TMEM235: variants seen among roughly 807,000 people sequenced by gnomAD.
The protein encoded by TMEM235 is claudin-27.
Under a neutral mutation model 22.9 loss-of-function variants are expected in TMEM235, and 23 were observed. The observed-to-expected ratio is 1.00, with a 90% CI of 0.72 to 1.42. The LOEUF (loss-of-function observed/expected upper bound fraction) is 1.42. Among genes scored for constraint, TMEM235 ranks in the 40% most tolerant of loss-of-function variants. TMEM235 has a pLI of 0.00. For missense variants in TMEM235, 308 were observed against 299.5 expected, an observed-to-expected ratio of 1.03 and a Z score of -0.21; for synonymous variants, 137 against 140.5, an observed-to-expected ratio of 0.98 and a Z score of 0.17.
At chr17:78,232,749 G>C (rs938007734) in intron 2 of TMEM235, among the ~76,000 whole-genome samples, 4 of 152,084 alleles carry the variant, frequency 2.6e-5, no homozygotes, top group Non-Finnish European at 4.4e-5. Flanking sequence ...TCCCTCCTCC[G>C]GAGCTGGGGC....
In TMEM235 at chr17:78,234,594, G is replaced by A. The variant is rs1447715421; in HGVS notation, c.273G>A (p.Leu91=). 7 of 1,536,114 alleles carry A rather than the reference G, an allele frequency of 4.6e-6. No individual in the cohort carries two copies. The East Asian group carries it at 1.5e-4, about 32-fold the overall frequency. Residue 91 remains leucine, a splice_region_variant and synonymous_variant, in exon 4 of 6, where the codon TTG becomes TTA. Coordinates refer to ENST00000421688, the Ensembl canonical transcript of TMEM235. ...TCACCTGAGCCCCCTTTCCTGCAGT[G>A]CTGCACCGTGCAGTCATTGTGGTCC...
intron 2 of TMEM235, 131 bp downstream of exon 1, chr17:78,232,344 C>T: frequency 1.1e-6 from 1 of 874,014 alleles, no homozygotes; most frequent in Non-Finnish European, 1.6e-6. Flanking sequence ...CGCTCTGCCC[C>T]AGGGTGTCTC....
chr17:78,234,799 G>A, intron 4 of TMEM235, 69 bp downstream of exon 3: 1 of 1,519,426 alleles, frequency 6.6e-7, no homozygotes, highest in South Asian at 1.2e-5. Context: ...GGAGTGGGGT[G>A]CTGCCTCTCC....
At chr17:78,236,193 C>T (rs555533788) in intron 4 of TMEM235, among the ~76,000 whole-genome samples, 56 of 152,314 alleles carry the variant, frequency 3.7e-4, no homozygotes, top group African/African-American at 1.3e-3. Context: ...TGAGGGCCTC[C>T]AGGGCAACCC....
chr17:78,231,961 GCGCCCCCCGC>G (rs1294560899), exon 2 of TMEM235: 1 of 1,070,838 alleles, frequency 9.3e-7, no homozygotes, highest in Non-Finnish European at 1.1e-6. Context: ...CCGGCTCCGC[GCGCCCCCCGC>G]CGCCCCCGGG....
chr17:78,231,370 C>T, intron 1 of TMEM235: 1 of 1,242,964 alleles, frequency 8.0e-7, no homozygotes, highest in South Asian at 1.4e-5. Flanking sequence ...AGAGGCCGGC[C>T]TTGCTGGAGG....
chr17:78,236,032 C>T (rs1305008731), intron 4 of TMEM235, among the ~76,000 whole-genome samples: 1 of 152,224 alleles, frequency 6.6e-6, no homozygotes, highest in Non-Finnish European at 1.5e-5. Context: ...CCACCAGGCG[C>T]CCCCTCCAAC....
rs2076583198 is a variant in TMEM235, at chr17:78,231,850, C to G, written c.-174C>G. 3.4e-6 allele frequency: 4 copies of G among 1,169,274 alleles called. No individual in the cohort carries two copies. In the South Asian group the frequency reaches 6.5e-5, roughly 19 times the overall value. 72.4% of individuals were successfully genotyped at this position (1,169,274 alleles called of 1,614,324 possible). On this transcript the variant is annotated 5_prime_UTR_variant, in exon 2 of 6. Transcript: ENST00000421688. ...CAGAGAGGTGGGGTCGATCTCCCTGCGACCCCAGGGGGCCCGCGAGGCCAG... is the reference window on the plus strand; with the variant it reads ...CAGAGAGGTGGGGTCGATCTCCCTGGGACCCCAGGGGGCCCGCGAGGCCAG...
At chr17:78,240,698 C>A (rs1303512979) in exon 6 of TMEM235, 1 of 152,250 alleles carries the variant, frequency 6.6e-6, no homozygotes, top group Non-Finnish European at 1.5e-5. Flanking sequence ...CTGCCCCACC[C>A]CTAGGTCTCT....
At chr17:78,233,195 CAG>C (rs146418265) in intron 2 of TMEM235, among the ~76,000 whole-genome samples, 109 of 152,342 alleles carry the variant, frequency 7.2e-4, no homozygotes, top group Non-Finnish European at 1.4e-3. Flanking sequence ...GTGTGAGAAC[CAG>C]AGAGTATGTA....
In TMEM235 at chr17:78,239,228, G is replaced by GC. The variant is rs1223880802; in HGVS notation, c.620dup (p.Ile208AsnfsTer78). 1.0e-5 allele frequency: 16 copies of GC among 1,542,832 alleles called. No homozygotes were observed. Among genetic ancestry groups the GC allele is most frequent in the African/African-American group, 9.6e-5 (7 of 73,056 alleles). On this transcript the variant is annotated frameshift_variant, in exon 5 of 6. Transcript: ENST00000421688. LOFTEE classifies it low-confidence loss of function (END_TRUNC). ...TCAGCTGCCTGGACCCTCAGCCTGA[G>GC]CCCCCCAATCTGTGGTCATCTGAGT...
intron 5 of TMEM235, 43 bp downstream of exon 4, chr17:78,239,316 G>C (rs1043283149): frequency 2.0e-5 from 30 of 1,517,832 alleles, no homozygotes; most frequent in Non-Finnish European, 2.4e-5. Context: ...CCGGGATTGG[G>C]CGGTCAGGGC....
chr17:78,236,227 A>T (rs949328566), intron 4 of TMEM235, among the ~76,000 whole-genome samples: 6 of 152,278 alleles, frequency 3.9e-5, no homozygotes, highest in African/African-American at 1.2e-4. Context: ...ACTGGGTCAG[A>T]TCATGCGGGG....
At chr17:78,240,055 CA>C (rs1365224332) in exon 6 of TMEM235, 1 of 1,464,356 alleles carries the variant, frequency 6.8e-7, no homozygotes, top group East Asian at 2.6e-5. Flanking sequence ...CCGGGAAGAG[CA>C]GGCACCCAGA....
At chr17:78,231,680 GA>G in exon 2 of TMEM235, 1 of 1,292,732 alleles carries the variant, frequency 7.7e-7, no homozygotes, top group Non-Finnish European at 1.0e-6. Flanking sequence ...GGCTGCTGAG[GA>G]GCCGGGGGTT....
rs766588658 is a variant in TMEM235, at chr17:78,238,850, G to A, written c.410-174G>A. 4.6e-5 allele frequency among the ~76,000 whole-genome samples: 7 copies of A among 152,146 alleles called. No individual in the cohort carries two copies. The East Asian group carries it at 5.8e-4, about 13-fold the overall frequency. On this transcript the variant is annotated intron_variant, in intron 4 of 5. Transcript: ENST00000421688. This position sits in a 1 kb window ranked among gnomAD's most constrained non-coding sequence, Gnocchi z 4.3. Reference sequence around the variant, plus strand: ...GCAGGAGGTGGTGTCTGGGAGAGGCGGCCAGGTTGACAGCCAGGCAGGGCT... The same window carrying A: ...GCAGGAGGTGGTGTCTGGGAGAGGCAGCCAGGTTGACAGCCAGGCAGGGCT...
chr17:78,234,385 G>A (rs1428065378), intron 3 of TMEM235: 3 of 777,028 alleles, frequency 3.9e-6, no homozygotes, highest in Non-Finnish European at 6.6e-6. Flanking sequence ...TGGGGGCTGG[G>A]AGTGTTCTGG....
At chr17:78,239,038 G>C in exon 5 of TMEM235, 1 of 1,540,948 alleles carries the variant, frequency 6.5e-7, no homozygotes, top group Non-Finnish European at 8.7e-7. Context: ...CCTGACACTG[G>C]CGGGGGTCAG....
intron 3 of TMEM235, 80 bp from the exon 3 acceptor site, chr17:78,234,513 C>A (rs2076620701): frequency 1.3e-6 from 2 of 1,520,386 alleles, no homozygotes; most frequent in East Asian, 2.5e-5. Context: ...AGACGAAGCA[C>A]CACGTCACTG....
Sources: gnomAD v4.1 joint callset for allele counts (sites outside exome capture counted in the v4.1 genomes callset) on GRCh38, gnomAD v4.1.1 for gene constraint, Gnocchi (gnomAD v3.1) non-coding constraint, MANE v1.5 for transcripts, NCBI Gene and HGNC (gene_info 2026-07-23, HGNC 2026-07-21) for gene names.